MTMR2: variants seen among roughly 807,000 people sequenced by gnomAD.
MTMR2 encodes phosphatidylinositol-3,5-bisphosphate 3-phosphatase MTMR2.
Under a neutral mutation model 86.9 loss-of-function variants are expected in MTMR2, and 55 were observed. That is an observed-to-expected ratio of 0.63 (90% CI 0.51 to 0.79). The LOEUF (loss-of-function observed/expected upper bound fraction) is 0.79, where lower values mean the gene tolerates loss of function less well. MTMR2 is among the 30% of genes least tolerant of loss of function. MTMR2 has a pLI of 0.00. For synonymous variants in MTMR2, 241 were observed against 266.8 expected (o/e 0.90, Z 0.94); for missense variants, 659 against 772.3 (o/e 0.85, Z 1.74).
At chr11:95,910,147 A>C (rs929858034) in intron 1 of MTMR2, among the ~76,000 whole-genome samples, 27 of 150,790 alleles carry the variant, frequency 1.8e-4, no homozygotes, top group Middle Eastern at 3.4e-3. Context: ...ACACACACAC[A>C]CCCTACATGA....
At chr11:95,884,131 C>A (rs1427461559) in intron 2 of MTMR2, among the ~76,000 whole-genome samples, 1 of 152,148 alleles carries the variant, frequency 6.6e-6, no homozygotes, top group African/African-American at 2.4e-5. Context: ...CACAGTCAGT[C>A]AAAATGCAAC....
intron 2 of MTMR2, among the ~76,000 whole-genome samples, chr11:95,870,750 T>A (rs1864840156): frequency 6.7e-6 from 1 of 149,930 alleles, no homozygotes; most frequent in East Asian, 1.9e-4. Flanking sequence ...TTTTTTTTTA[T>A]TATACTTTAA....
intron 3 of MTMR2, among the ~76,000 whole-genome samples, chr11:95,862,662 T>C (rs759085090): frequency 7.9e-5 from 12 of 152,046 alleles, no homozygotes; most frequent in Non-Finnish European, 1.6e-4. Context: ...CAGGTGTGGG[T>C]AGCTGCAGCA....
At chr11:95,851,207 C>A (rs537350361) in intron 7 of MTMR2, among the ~76,000 whole-genome samples, 5 of 151,538 alleles carry the variant, frequency 3.3e-5, no homozygotes, top group African/African-American at 9.7e-5. Flanking sequence ...GGACTACAGC[C>A]GTACGCCACC....
rs1369882623 is a variant in MTMR2, at chr11:95,833,852, T to C, written c.*1438A>G. The C allele has an allele frequency of 6.6e-6, 1 of 151,952 alleles. No homozygotes were observed. The highest frequency in any genetic ancestry group is 6.6e-5 in the Admixed American group (1 of 15,194). The allele number at this position is 151,952 out of a possible 1,614,324, so 9.4% of individuals were successfully genotyped here. On this transcript the variant is annotated 3_prime_UTR_variant, in exon 15 of 15. Transcript: ENST00000346299. ...TCATTTTGGTACCAATTTTGCTAAA[T>C]TGGATATACTAATAGAAACTTCCTC...
Position 95,836,221 on chromosome 11 carries a change from G to A in MTMR2, c.1697C>T (p.Pro566Leu). 1 of 1,612,868 alleles carries A rather than the reference G, an allele frequency of 6.2e-7. No homozygotes were observed. Reference protein sequence around the residue: ...YGSYSNHVLYPVASMRHLELW... With the variant: ...YGSYSNHVLYLVASMRHLELW... ...CTCTAGGTGGCGCATGCTGGCTACT[G>A]GATAAAGGACATGATTGGAATAGCT... is the stretch of plus-strand genomic sequence containing the variant. Residue 566 changes from proline (P) to leucine (L), a missense_variant, in exon 14 of 15, where the codon CCA (proline) becomes CTA (leucine). This residue lies in a region of MTMR2 where 193 missense variants were observed against 191.6 expected (regional missense o/e 1.01). Coordinates refer to ENST00000346299, the MANE Select transcript of MTMR2 (RefSeq NM_016156.6).
chr11:95,908,491 T>C (rs1408440708), intron 1 of MTMR2, among the ~76,000 whole-genome samples: 3 of 152,058 alleles, frequency 2.0e-5, no homozygotes, highest in Non-Finnish European at 4.4e-5. Context: ...AAAAAACTAT[T>C]CTAAAATTCA....
At chr11:95,840,876 T>G (rs913231895) in intron 12 of MTMR2, among the ~76,000 whole-genome samples, 1 of 152,212 alleles carries the variant, frequency 6.6e-6, no homozygotes, top group African/African-American at 2.4e-5. Flanking sequence ...TCCAGTTGTT[T>G]TGGGGTCTAA....
chr11:95,899,654 G>T (rs1377922262), intron 1 of MTMR2, among the ~76,000 whole-genome samples: 3 of 149,832 alleles, frequency 2.0e-5, no homozygotes, highest in East Asian at 3.9e-4. Context: ...AAAAACTACA[G>T]GAGCGCAGAG....
Position 95,861,983 on chromosome 11 carries a change from A to G in MTMR2, c.468+9T>C. The G allele has an allele frequency of 6.4e-7, 1 of 1,564,720 alleles. No individual in the cohort carries two copies. The highest frequency in any genetic ancestry group is 8.8e-7 in the Non-Finnish European group (1 of 1,138,224). On this transcript the variant is annotated intron_variant, in intron 5 of 14. Transcript: ENST00000346299. Reference sequence around the variant, plus strand: ...CCAAAGAAAATCACATACATATTATAACATTTACCTTACACACAGTTTCTA... The same window carrying G: ...CCAAAGAAAATCACATACATATTATGACATTTACCTTACACACAGTTTCTA...
chr11:95,919,137 C>T (rs560404981), intron 1 of MTMR2, among the ~76,000 whole-genome samples: 2 of 152,284 alleles, frequency 1.3e-5, no homozygotes, highest in South Asian at 2.1e-4. Context: ...TGCACCTGGC[C>T]TCCAACACGT....
chr11:95,858,931 G>A (rs563597280), intron 5 of MTMR2, among the ~76,000 whole-genome samples: 5 of 152,230 alleles, frequency 3.3e-5, no homozygotes, highest in African/African-American at 4.8e-5. Flanking sequence ...GGAGATTAAC[G>A]ATATTACATC....
rs145053395 is a variant in MTMR2 at position 95,907,550 on chromosome 11, C to G, written c.80+16325G>C. ...CACTCTGATACAAAAGCCTGGCAGA[C>G]AGACAACGAAAAAAGAAAACTTCAG... On this transcript the variant is annotated intron_variant, in intron 1 of 14. Transcript: ENST00000346299. Among the ~76,000 whole-genome samples the G allele has an allele frequency of 6.6e-3, 1,000 of 152,118 alleles. 7 individuals are homozygous for G. Among genetic ancestry groups the G allele is most frequent in the Non-Finnish European group, 0.011 (722 of 67,938 alleles).
chr11:95,866,017 T>C (rs913866157), intron 2 of MTMR2, among the ~76,000 whole-genome samples: 4 of 152,190 alleles, frequency 2.6e-5, no homozygotes, highest in African/African-American at 9.6e-5. Context: ...AAGTGGTAAT[T>C]AGTTCAAGAT....
chr11:95,857,750 GT>G (rs1864264607), intron 6 of MTMR2, 115 bp from the exon 7 acceptor site: 1 of 689,376 alleles, frequency 1.5e-6, no homozygotes. Context: ...AACATTTTAT[GT>G]ATTAGCATCC....
At chr11:95,900,785 C>T (rs1056898046) in intron 1 of MTMR2, among the ~76,000 whole-genome samples, 8 of 152,226 alleles carry the variant, frequency 5.3e-5, no homozygotes, top group African/African-American at 1.9e-4. Context: ...TTAGTAGGAA[C>T]TCAATATTGA....
chr11:95,917,420 CATAATCCA>C (rs1255535647), intron 1 of MTMR2, among the ~76,000 whole-genome samples: 1 of 152,160 alleles, frequency 6.6e-6, no homozygotes, highest in African/African-American at 2.4e-5. Flanking sequence ...TTCCCCTGGG[CATAATCCA>C]AACTTTACAG....
intron 2 of MTMR2, among the ~76,000 whole-genome samples, chr11:95,877,060 C>G (rs1297482497): frequency 6.6e-6 from 1 of 152,216 alleles, no homozygotes; most frequent in Non-Finnish European, 1.5e-5. Context: ...CTATCCTCCA[C>G]AGTCTTTTTA....
Position 95,838,187 on chromosome 11 carries a change from G to A in MTMR2, c.1500C>T (p.Phe500=). The change falls in exon 13 of 15, where the codon TTC becomes TTT. Residue 500 remains phenylalanine (F), a synonymous_variant. Coordinates refer to ENST00000346299, the MANE Select transcript of MTMR2 (RefSeq NM_016156.6). ...AAATGGTAATGAGAAAATACTCATT[G>A]AATTCAAATGCGGTAGGAAACTGCA... The part of the protein sequence containing the change: ...MTRQFPTAFE[F]NEYFLITILD... The A allele has an allele frequency of 1.3e-6, 2 of 1,598,584 alleles. No individual in the cohort carries two copies. The highest frequency in any genetic ancestry group is 1.1e-5 in the South Asian group (1 of 90,768).
Sources: allele counts gnomAD v4.1 joint callset (sites outside exome capture counted in the v4.1 genomes callset), GRCh38; gene constraint gnomAD v4.1.1; regional missense constraint gnomAD v4.1.1; transcripts MANE v1.5; gene names NCBI Gene and HGNC (gene_info 2026-07-23, HGNC 2026-07-21).